Variants in CASZ1 observed in about 807,000 individuals in gnomAD.
The protein encoded by CASZ1 is castor zinc finger 1.
Under a neutral mutation model 135.2 loss-of-function variants are expected in CASZ1, and 28 were observed. The observed-to-expected ratio is 0.21, with a 90% CI of 0.15 to 0.28. The LOEUF (loss-of-function observed/expected upper bound fraction) is 0.28. Ranked by LOEUF, CASZ1 falls within the 10% of genes least tolerant of loss-of-function variation. The pLI is 1.00. For missense variants in CASZ1, 2,161 were observed against 2,453.3 expected, an observed-to-expected ratio of 0.88 and a Z score of 2.52; for synonymous variants, 1,068 against 1,073.4, an observed-to-expected ratio of 0.99 and a Z score of 0.10.
At position 10,725,587 on chromosome 1, in the gene CASZ1, T is replaced by C. The variant is rs1224358811; in HGVS notation, c.-76-20043A>G. On this transcript the variant is annotated intron_variant, in intron 2 of 20. Coordinates refer to ENST00000377022, the MANE Select transcript of CASZ1 (RefSeq NM_001079843.3). The surrounding 1 kb of genome is among the most constrained non-coding windows in gnomAD (Gnocchi z 4.4). ...GGTGTTGTAAGTAATTTTTAGGTAA[T>C]CCACTCCAGATTTTGATATTAACCT... is the stretch of plus-strand genomic sequence containing the variant. Among the ~76,000 whole-genome samples the C allele has an allele frequency of 6.6e-6, 1 of 152,206 alleles. No individual in the cohort carries two copies. Among genetic ancestry groups the C allele is most frequent in the African/African-American group, 2.4e-5 (1 of 41,440 alleles).
chr1:10,660,192 G>A lies in CASZ1; in HGVS notation c.850C>T (p.His284Tyr), dbSNP rs1642969369. Reference protein sequence around the residue: ...PGLRLPSSTAHLETKATILPL... With the variant: ...PGLRLPSSTAYLETKATILPL... ...AGGATGGTGGCCTTGGTCTCCAGGT[G>A]GGCCGTGCTGCTGGGCAGCCGCAGG... Residue 284 changes from histidine (H) to tyrosine (Y), a missense_variant, in exon 6 of 21, where the codon CAC (histidine) becomes TAC (tyrosine). By Grantham distance (83) the His-to-Tyr change is moderately conservative (BLOSUM62 2). This residue lies in a region of CASZ1 where 590 missense variants were observed against 609.8 expected (regional missense o/e 0.97). Coordinates refer to ENST00000377022, the MANE Select transcript of CASZ1 (RefSeq NM_001079843.3). 6.2e-7 allele frequency: 1 copy of A among 1,613,312 alleles called. No homozygotes were observed. The highest frequency in any genetic ancestry group is 1.7e-5 in the Admixed American group (1 of 60,010).
chr1:10,723,251 C>A (rs763044496), intron 2 of CASZ1, among the ~76,000 whole-genome samples: 6 of 152,180 alleles, frequency 3.9e-5, no homozygotes, highest in South Asian at 2.1e-4. Context: ...AGGGGCCCAC[C>A]TCCCCCTGGC....
At position 10,724,572 on chromosome 1, in the gene CASZ1, C is replaced by T. The variant is rs1410529158; in HGVS notation, c.-76-19028G>A. ...AGAGGCTTTGGAGCCCAGGAATCAC[C>T]TAGCCCTCAGGGGTAGGGGCTCAGG... On this transcript the variant is annotated intron_variant, in intron 2 of 20. Transcript: ENST00000377022. This position sits in a 1 kb window ranked among gnomAD's most constrained non-coding sequence, Gnocchi z 4.1. Among the ~76,000 whole-genome samples the T allele has an allele frequency of 1.3e-5, 2 of 152,206 alleles. No homozygotes were observed. The highest frequency in any genetic ancestry group is 2.4e-5 in the African/African-American group (1 of 41,452).
chr1:10,660,190 G>A lies in CASZ1; in HGVS notation c.852C>T (p.His284=). Reference sequence around the variant, plus strand: ...GCAGGATGGTGGCCTTGGTCTCCAGGTGGGCCGTGCTGCTGGGCAGCCGCA... The same window carrying A: ...GCAGGATGGTGGCCTTGGTCTCCAGATGGGCCGTGCTGCTGGGCAGCCGCA... ...PGLRLPSSTA[H]LETKATILPL... is the part of the protein sequence containing the mutation. Residue 284 remains histidine, a synonymous_variant, in exon 6 of 21, where the codon CAC becomes CAT. Coordinates refer to ENST00000377022, the MANE Select transcript of CASZ1 (RefSeq NM_001079843.3). The A allele has an allele frequency of 3.1e-6, 5 of 1,613,536 alleles. No homozygotes were observed. The highest frequency in any genetic ancestry group is 4.2e-6 in the Non-Finnish European group (5 of 1,179,930).
In CASZ1 at chr1:10,639,327, A is replaced by C; in HGVS notation, c.4895T>G (p.Leu1632Arg). 1 of 1,476,610 alleles carries C rather than the reference A, an allele frequency of 6.8e-7. No individual in the cohort carries two copies. Among genetic ancestry groups the C allele is most frequent in the Non-Finnish European group, 8.9e-7 (1 of 1,122,284 alleles). The allele number at this position is 1,476,610 out of a possible 1,614,324, so 91.5% of individuals were successfully genotyped here. A position where few individuals can be genotyped will look rare whatever the true frequency, so the allele number is the denominator to read the frequency against. The stretch of plus-strand genomic sequence containing the variant: ...GCCCAGGCCGGCGGCCGCCGACTGC[A>C]GGAAGAGCAGCGAGCCCGGCTCGGC... ...LGAEPGSLLF[L>R]QSAAAGLGLA... The change falls in exon 21 of 21, where the codon CTG (leucine) becomes CGG (arginine). Residue 1632 changes from leucine (L) to arginine (R), a missense_variant. By Grantham distance (102) the Leu-to-Arg change is moderately radical. This residue lies in a region of CASZ1 where 240 missense variants were observed against 321.4 expected (regional missense o/e 0.75). Transcript: ENST00000377022. This position sits in a 1 kb window ranked among gnomAD's most constrained non-coding sequence, Gnocchi z 4.0.
rs1297832752 is a variant in CASZ1, at chr1:10,700,384, G to A, written c.-24+5108C>T. ...GGGCTGGGGAGAAGCCAAGGGAGGG[G>A]TCCCAGGAGGGGAGGCCCGCTGTCC... On this transcript the variant is annotated intron_variant, in intron 3 of 20. Coordinates refer to ENST00000377022, the MANE Select transcript of CASZ1 (RefSeq NM_001079843.3). The surrounding 1 kb of genome is among the most constrained non-coding windows in gnomAD (Gnocchi z 4.2). Among the ~76,000 whole-genome samples, 1 of 152,218 alleles carries A rather than the reference G, an allele frequency of 6.6e-6. No individual in the cohort carries two copies. The highest frequency in any genetic ancestry group is 2.4e-5 in the African/African-American group (1 of 41,444).
chr1:10,660,638 G>T, intron 5 of CASZ1, 102 bp from the exon 6 acceptor site: 1 of 840,424 alleles, frequency 1.2e-6, no homozygotes, highest in South Asian at 1.5e-5. Flanking sequence ...GGGTCAGTGT[G>T]GGGAGGGGCG....
chr1:10,653,760 T>C lies in CASZ1; in HGVS notation c.2297A>G (p.Lys766Arg), dbSNP rs1157865768. The change falls in exon 11 of 21, where the codon AAA becomes AGA. Residue 766 changes from lysine (K) to arginine (R), a missense_variant. Physicochemically the swap from Lys to Arg is conservative, Grantham distance 26. Transcript: ENST00000377022. ...AATEAGPSAT[K>R]PPNSKISGLL... Reference sequence around the variant, plus strand: ...CCCCGAGATCTTGCTGTTGGGAGGTTTGGTGGCACTGGGCCCAGCCTCGGT... The same window carrying C: ...CCCCGAGATCTTGCTGTTGGGAGGTCTGGTGGCACTGGGCCCAGCCTCGGT... 4 of 1,610,240 alleles carry C rather than the reference T, an allele frequency of 2.5e-6. No homozygotes were observed. The highest frequency in any genetic ancestry group is 2.5e-6 in the Non-Finnish European group (3 of 1,178,106).
intron 2 of CASZ1, among the ~76,000 whole-genome samples, chr1:10,750,431 C>T (rs544932542): frequency 3.3e-5 from 5 of 152,140 alleles, no homozygotes; most frequent in East Asian, 3.9e-4. Context: ...CAGGTGCGTG[C>T]GCCACCACAC....
In CASZ1 at chr1:10,790,105, G is replaced by A. The variant is rs770327439; in HGVS notation, c.-234+6459C>T. ...CAGAAGACAGACCCACTCGCAGAGC[G>A]GCGTGGCAGCCAGAGGAGAGATCAC... On this transcript the variant is annotated intron_variant, in intron 1 of 20. Coordinates refer to ENST00000377022, the MANE Select transcript of CASZ1 (RefSeq NM_001079843.3). Among the ~76,000 whole-genome samples, 18 of 152,140 alleles carry A rather than the reference G, an allele frequency of 1.2e-4. 1 individual carries two copies. Among genetic ancestry groups the A allele is most frequent in the Non-Finnish European group, 2.5e-4 (17 of 68,018 alleles).
At position 10,750,768 on chromosome 1, in the gene CASZ1, C is replaced by T. The variant is rs531950858; in HGVS notation, c.-77+9933G>A. Among the ~76,000 whole-genome samples, 34 of 152,106 alleles carry T rather than the reference C, an allele frequency of 2.2e-4. No homozygotes were observed. The South Asian group carries it at 6.4e-3, about 29-fold the overall frequency. ...TACAAAAATTAGCTAGGCATGGTGG[C>T]GCGACCTGTAATCTCAGCTACTCAG... On this transcript the variant is annotated intron_variant, in intron 2 of 20. Transcript: ENST00000377022.
At position 10,788,253 on chromosome 1, in the gene CASZ1, C is replaced by A. The variant is rs1640893643; in HGVS notation, c.-234+8311G>T. 6.6e-6 allele frequency among the ~76,000 whole-genome samples: 1 copy of A among 152,172 alleles called. No homozygotes were observed. The highest frequency in any genetic ancestry group is 2.1e-4 in the South Asian group (1 of 4,828). ...TGAGCAGGTGGGGTTCCTCACAGAG[C>A]AACCTGAGTGCTAGCCCCGATCCAC... On this transcript the variant is annotated intron_variant, in intron 1 of 20. Coordinates refer to ENST00000377022, the MANE Select transcript of CASZ1 (RefSeq NM_001079843.3). This position sits in a 1 kb window ranked among gnomAD's most constrained non-coding sequence, Gnocchi z 4.1.
rs1230449661 is a variant in CASZ1, at chr1:10,741,380, G to GGT, written c.-77+19319_-77+19320dup. On this transcript the variant is annotated intron_variant, in intron 2 of 20. Coordinates refer to ENST00000377022, the MANE Select transcript of CASZ1 (RefSeq NM_001079843.3). The surrounding 1 kb of genome is among the most constrained non-coding windows in gnomAD (Gnocchi z 5.0). ...AAGAGCCACCAGCAGTTGTCCTGGG[G>GGT]GTGGGGGCGGCAGGGCACAGGGAGC... Among the ~76,000 whole-genome samples, 2 of 152,184 alleles carry GGT rather than the reference G, an allele frequency of 1.3e-5. No homozygotes were observed. Among genetic ancestry groups the GGT allele is most frequent in the African/African-American group, 4.8e-5 (2 of 41,446 alleles).
At chr1:10,651,142 C>G in intron 11 of CASZ1, 66 bp from the exon 12 acceptor site, 3 of 1,351,660 alleles carry the variant, frequency 2.2e-6, no homozygotes, top group Non-Finnish European at 2.9e-6. Flanking sequence ...CAGACAGCCG[C>G]CGTGCCCCCT....
In CASZ1 at chr1:10,653,737, C is replaced by CCGAGAT. The variant is rs1479929719; in HGVS notation, c.2314_2319dup (p.Ile772_Ser773dup). On this transcript the variant is annotated inframe_insertion, in exon 11 of 21. Coordinates refer to ENST00000377022, the MANE Select transcript of CASZ1 (RefSeq NM_001079843.3). ...CCAGGCAGGCCCTGGGGCAGCAGCC[C>CCGAGAT]CGAGATCTTGCTGTTGGGAGGTTTG... is the stretch of plus-strand genomic sequence containing the variant. The CCGAGAT allele has an allele frequency of 6.2e-7, 1 of 1,608,688 alleles. No homozygotes were observed. The highest frequency in any genetic ancestry group is 8.5e-7 in the Non-Finnish European group (1 of 1,177,338).
intron 1 of CASZ1, among the ~76,000 whole-genome samples, chr1:10,775,069 C>G (rs917425589): frequency 6.6e-6 from 1 of 152,008 alleles, no homozygotes; most frequent in Admixed American, 6.6e-5. Context: ...TCACCATTTC[C>G]CCCGCACCAG....
At chr1:10,775,091 G>A (rs1414175907) in intron 1 of CASZ1, among the ~76,000 whole-genome samples, 1 of 152,028 alleles carries the variant, frequency 6.6e-6, no homozygotes, top group South Asian at 2.1e-4. Flanking sequence ...CAGTCGGCCA[G>A]AAAACCCTGG....
chr1:10,665,482 C>A lies in CASZ1; in HGVS notation c.106G>T (p.Ala36Ser), dbSNP rs778145423. 2 of 1,607,742 alleles carry A rather than the reference C, an allele frequency of 1.2e-6. No individual in the cohort carries two copies. Among genetic ancestry groups the A allele is most frequent in the East Asian group, 2.2e-5 (1 of 44,868 alleles). Residue 36 changes from alanine (A) to serine (S), a missense_variant, in exon 5 of 21, where the codon GCC becomes TCC. By Grantham distance (99) the Ala-to-Ser change is moderately conservative. Coordinates refer to ENST00000377022, the MANE Select transcript of CASZ1 (RefSeq NM_001079843.3). The part of the protein sequence containing the change: ...KGGLKLNAIC[A>S]KLSRQVVVEK... ...ACCACCACCTGGCGGCTCAGCTTGG[C>A]GCAGATGGCGTTCAGCTTCAGGCCA...
At chr1:10,673,943 C>A (rs901295790) in intron 4 of CASZ1, among the ~76,000 whole-genome samples, 2 of 152,228 alleles carry the variant, frequency 1.3e-5, no homozygotes, top group African/African-American at 4.8e-5. Context: ...CAGGGCTAGC[C>A]CTTGAGGGCA....
Sources: gnomAD v4.1 joint callset for allele counts (sites outside exome capture counted in the v4.1 genomes callset) on GRCh38, gnomAD v4.1.1 for gene constraint, gnomAD v4.1.1 regional missense constraint, Gnocchi (gnomAD v3.1) non-coding constraint, MANE v1.5 for transcripts, NCBI Gene and HGNC (gene_info 2026-07-23, HGNC 2026-07-21) for gene names.